FAF1: variants seen among roughly 807,000 people sequenced by gnomAD.
FAF1 encodes Fas associated factor 1.
In FAF1, 25 loss-of-function variants were observed where a neutral mutation model predicts 92.5. The observed-to-expected ratio is 0.27, with a 90% confidence interval of 0.20 to 0.38. FAF1 has a LOEUF of 0.38. Among genes scored for constraint, FAF1 ranks in the 10% least tolerant of loss-of-function variants. The pLI is 1.00. For missense variants in FAF1, 636 were observed against 793.3 expected (o/e 0.80, Z 2.38); for synonymous variants, 234 against 273.2 (o/e 0.86, Z 1.42).
intron 15 of FAF1, among the ~76,000 whole-genome samples, chr1:50,501,010 C>T (rs1292108859): frequency 6.6e-6 from 1 of 152,044 alleles, no homozygotes. Flanking sequence ...TATGTTCCCT[C>T]AATAAAACTA....
intron 18 of FAF1, among the ~76,000 whole-genome samples, chr1:50,442,956 G>T (rs903220275): frequency 1.3e-5 from 2 of 152,298 alleles, no homozygotes; most frequent in African/African-American, 4.8e-5. Context: ...GAGTGGGAAG[G>T]GCCTAGCCTG....
intron 1 of FAF1, among the ~76,000 whole-genome samples, chr1:50,882,644 A>C (rs1297160720): frequency 2.1e-5 from 3 of 141,888 alleles, no homozygotes; most frequent in African/African-American, 7.9e-5. Flanking sequence ...AAATAAATAA[A>C]TAAATGTGTA....
intron 4 of FAF1, among the ~76,000 whole-genome samples, chr1:50,783,322 A>C (rs561269155): frequency 1.2e-3 from 181 of 152,320 alleles, no homozygotes; most frequent in Admixed American, 4.8e-3. Flanking sequence ...TCTTCCGAAA[A>C]ACTGAAGGAG....
At chr1:50,839,157 AT>A (rs1644236139) in intron 2 of FAF1, among the ~76,000 whole-genome samples, 1 of 151,984 alleles carries the variant, frequency 6.6e-6, no homozygotes, top group Non-Finnish European at 1.5e-5. Flanking sequence ...ATGACTGCAT[AT>A]TTTGTTGGCA....
At chr1:50,795,012 A>G (rs1421829478) in intron 3 of FAF1, among the ~76,000 whole-genome samples, 2 of 152,226 alleles carry the variant, frequency 1.3e-5, no homozygotes, top group East Asian at 3.8e-4. Flanking sequence ...AACATAGATA[A>G]GAAGACATTG....
chr1:50,850,882 T>C (rs1461082700), intron 2 of FAF1, among the ~76,000 whole-genome samples: 2 of 152,176 alleles, frequency 1.3e-5, no homozygotes, highest in Non-Finnish European at 2.9e-5. Context: ...CAGCTGATTT[T>C]TGAAACTAGC....
intron 1 of FAF1, among the ~76,000 whole-genome samples, chr1:50,886,113 C>T (rs1428878443): frequency 1.3e-5 from 2 of 152,136 alleles, no homozygotes; most frequent in African/African-American, 2.4e-5. Context: ...GAATGGTTTA[C>T]ACACCAAAGT....
chr1:50,655,374 A>C, intron 8 of FAF1, 68 bp downstream of exon 8: 1 of 1,002,872 alleles, frequency 1.0e-6, no homozygotes, highest in Non-Finnish European at 1.6e-6. Context: ...TTATTATCAA[A>C]GCCAATTAGA....
intron 18 of FAF1, among the ~76,000 whole-genome samples, chr1:50,453,624 C>A (rs1470804445): frequency 6.6e-6 from 1 of 152,190 alleles, no homozygotes. Flanking sequence ...ATGAACAGAG[C>A]ACGTGTTTTC....
intron 13 of FAF1, among the ~76,000 whole-genome samples, chr1:50,564,297 T>TTTTTTTTTTTTTTTTTTTGA (rs1195965167): frequency 6.6e-6 from 1 of 152,042 alleles, no homozygotes; most frequent in Non-Finnish European, 1.5e-5. Flanking sequence ...TAAATTTTTA[T>TTTTTTTTTTTTTTTTTTTGA]GGCCTGTCTG....
intron 4 of FAF1, among the ~76,000 whole-genome samples, chr1:50,766,048 C>T (rs376686812): frequency 1.6e-4 from 25 of 151,950 alleles, no homozygotes; most frequent in Admixed American, 7.9e-4. Context: ...GCCGAGATCG[C>T]GCCATTGCAC....
intron 1 of FAF1, among the ~76,000 whole-genome samples, chr1:50,859,092 C>T (rs1644412579): frequency 1.3e-5 from 2 of 151,676 alleles, no homozygotes; most frequent in African/African-American, 4.8e-5. Context: ...CAAGGAAAAC[C>T]CTCAAGAAAG....
At chr1:50,445,865 G>A (rs961430825) in intron 18 of FAF1, among the ~76,000 whole-genome samples, 3 of 152,176 alleles carry the variant, frequency 2.0e-5, no homozygotes, top group African/African-American at 7.2e-5. Flanking sequence ...TTAGCAAATT[G>A]GCTTTGTGAA....
chr1:50,860,498 ATG>A, intron 1 of FAF1, among the ~76,000 whole-genome samples: 1 of 152,106 alleles, frequency 6.6e-6, no homozygotes, highest in East Asian at 1.9e-4. Flanking sequence ...ACATGAAAAA[ATG>A]TTCCACATCA....
intron 2 of FAF1, chr1:50,846,618 T>C: frequency 3.8e-6 from 2 of 531,352 alleles, no homozygotes; most frequent in Non-Finnish European, 7.4e-6. Flanking sequence ...CCTTGTAAGA[T>C]CTCCACCCAC....
chr1:50,562,731 G>T (rs1649985593), intron 13 of FAF1, among the ~76,000 whole-genome samples: 1 of 152,164 alleles, frequency 6.6e-6, no homozygotes, highest in South Asian at 2.1e-4. Flanking sequence ...TTGAGGGTTA[G>T]GATTGTGTCT....
chr1:50,692,610 C>A (rs79137237), intron 7 of FAF1, among the ~76,000 whole-genome samples: 1 of 152,090 alleles, frequency 6.6e-6, no homozygotes, highest in Non-Finnish European at 1.5e-5. Flanking sequence ...ACAGAAGTTT[C>A]TTCTTTTTAA....
intron 3 of FAF1, among the ~76,000 whole-genome samples, chr1:50,798,523 T>C (rs988910588): frequency 6.6e-6 from 1 of 152,246 alleles, no homozygotes; most frequent in Non-Finnish European, 1.5e-5. Flanking sequence ...AATAATATAC[T>C]GGACCATGTA....
At chr1:50,444,425 T>C (rs1646205388) in intron 18 of FAF1, among the ~76,000 whole-genome samples, 1 of 152,192 alleles carries the variant, frequency 6.6e-6, no homozygotes, top group Non-Finnish European at 1.5e-5. Flanking sequence ...TCTTTGAATA[T>C]CTGAAGGGCT....
Sources: allele counts gnomAD v4.1 joint callset (sites outside exome capture counted in the v4.1 genomes callset), GRCh38; gene constraint gnomAD v4.1.1; transcripts MANE v1.5; gene names NCBI Gene and HGNC (gene_info 2026-07-23, HGNC 2026-07-21).